SNTG1: variants seen among roughly 807,000 people sequenced by gnomAD.
SNTG1 encodes gamma-1-syntrophin.
A neutral mutation model predicts 74.7 loss-of-function variants in SNTG1; 39 were observed. The observed-to-expected ratio is 0.52, with a 90% CI of 0.40 to 0.68. The LOEUF is 0.68. Ranked by LOEUF, SNTG1 falls within the 30% of genes least tolerant of loss-of-function variation. The pLI, the probability that SNTG1 is intolerant of heterozygous loss-of-function variation, is 0.00. For missense variants in SNTG1, 685 were observed against 609.5 expected (o/e 1.12, Z -1.30); for synonymous variants, 254 against 217.1 (o/e 1.17, Z -1.49).
chr8:50,419,986 A>C (rs2093061688), intron 4 of SNTG1, among the ~76,000 whole-genome samples: 1 of 152,116 alleles, frequency 6.6e-6, no homozygotes, highest in Non-Finnish European at 1.5e-5. Flanking sequence ...TTCTGAAAAA[A>C]AAACAGGGAA....
At chr8:50,303,816 G>A (rs2089758335) in intron 2 of SNTG1, among the ~76,000 whole-genome samples, 1 of 152,088 alleles carries the variant, frequency 6.6e-6, no homozygotes, top group African/African-American at 2.4e-5. Context: ...AGTCATTTCA[G>A]AGTCAAGAAT....
At chr8:50,593,670 T>C (rs1168382535) in intron 13 of SNTG1, among the ~76,000 whole-genome samples, 1 of 152,010 alleles carries the variant, frequency 6.6e-6, no homozygotes, top group African/African-American at 2.4e-5. Flanking sequence ...TCTATGCATC[T>C]GGAACACATT....
chr8:50,021,473 G>A (rs961776217), intron 1 of SNTG1, among the ~76,000 whole-genome samples: 1 of 152,098 alleles, frequency 6.6e-6, no homozygotes, highest in Non-Finnish European at 1.5e-5. Flanking sequence ...TTAATTTGAT[G>A]AATTCATTTC....
At chr8:50,235,645 G>T (rs1226294723) in intron 2 of SNTG1, among the ~76,000 whole-genome samples, 2 of 152,090 alleles carry the variant, frequency 1.3e-5, no homozygotes, top group Non-Finnish European at 2.9e-5. Context: ...TGGTTTATGG[G>T]GAATGTGTTG....
chr8:49,977,207 A>T (rs911881898), intron 1 of SNTG1, among the ~76,000 whole-genome samples: 2 of 152,184 alleles, frequency 1.3e-5, no homozygotes, highest in African/African-American at 4.8e-5. Flanking sequence ...CTCAATAGAT[A>T]AAAATGGGCA....
intron 13 of SNTG1, among the ~76,000 whole-genome samples, chr8:50,618,909 G>GTGTGTA (rs1437711578): frequency 4.0e-5 from 6 of 151,668 alleles, no homozygotes; most frequent in Non-Finnish European, 7.4e-5. Flanking sequence ...GTGTGTGTGT[G>GTGTGTA]TATATATATA....
At chr8:50,084,230 G>A (rs558300273) in intron 1 of SNTG1, among the ~76,000 whole-genome samples, 65 of 152,254 alleles carry the variant, frequency 4.3e-4, no homozygotes, top group African/African-American at 1.4e-3. Flanking sequence ...GGGAAGCCGA[G>A]GCAGGAAGAT....
chr8:50,288,749 A>T (rs931050951), intron 2 of SNTG1, among the ~76,000 whole-genome samples: 1 of 152,160 alleles, frequency 6.6e-6, no homozygotes, highest in African/African-American at 2.4e-5. Flanking sequence ...TGATTAAAGG[A>T]TGTTGACATG....
At chr8:50,318,878 T>C (rs545903234) in intron 2 of SNTG1, among the ~76,000 whole-genome samples, 20 of 152,246 alleles carry the variant, frequency 1.3e-4, no homozygotes, top group African/African-American at 4.6e-4. Flanking sequence ...TGGTATTACA[T>C]ATATTTTCTA....
intron 9 of SNTG1, among the ~76,000 whole-genome samples, chr8:50,510,762 TC>T (rs1356715612): frequency 1.3e-5 from 2 of 152,154 alleles, no homozygotes; most frequent in African/African-American, 4.8e-5. Context: ...GGTGGTGATA[TC>T]CCCTTTATCA....
At chr8:50,049,855 A>G (rs1345144934) in intron 1 of SNTG1, among the ~76,000 whole-genome samples, 3 of 152,118 alleles carry the variant, frequency 2.0e-5, no homozygotes, top group East Asian at 3.8e-4. Context: ...TCAATAACAC[A>G]TGGATCAAAG....
chr8:50,325,760 T>C (rs984850055), intron 2 of SNTG1, among the ~76,000 whole-genome samples: 9 of 152,100 alleles, frequency 5.9e-5, no homozygotes, highest in Non-Finnish European at 1.3e-4. Context: ...TAGCTAGGAC[T>C]TCCTGTATGA....
At chr8:50,146,734 T>C (rs1389770876) in intron 1 of SNTG1, among the ~76,000 whole-genome samples, 1 of 152,224 alleles carries the variant, frequency 6.6e-6, no homozygotes, top group Non-Finnish European at 1.5e-5. Flanking sequence ...TGTTTAATTT[T>C]AGATATTCTA....
chr8:50,628,455 AATG>A (rs1367331509), intron 13 of SNTG1, among the ~76,000 whole-genome samples: 4 of 152,150 alleles, frequency 2.6e-5, no homozygotes, highest in Non-Finnish European at 5.9e-5. Context: ...TAGGGTCACT[AATG>A]ATGTACATGG....
intron 5 of SNTG1, among the ~76,000 whole-genome samples, chr8:50,441,087 C>T (rs1413418325): frequency 6.6e-6 from 1 of 152,114 alleles, no homozygotes; most frequent in Non-Finnish European, 1.5e-5. Context: ...TCACATCTCC[C>T]CACAAACTGG....
chr8:49,973,553 G>A (rs1811917468), intron 1 of SNTG1, among the ~76,000 whole-genome samples: 1 of 151,748 alleles, frequency 6.6e-6, no homozygotes, highest in Admixed American at 6.6e-5. Context: ...CTGAGGTCCA[G>A]ATGAGATGAA....
At chr8:50,286,178 T>C (rs1293324889) in intron 2 of SNTG1, among the ~76,000 whole-genome samples, 1 of 152,190 alleles carries the variant, frequency 6.6e-6, no homozygotes, top group Non-Finnish European at 1.5e-5. Context: ...AGGGCAGTAG[T>C]GTTCAGAGAA....
At chr8:50,281,945 T>A (rs567003733) in intron 2 of SNTG1, among the ~76,000 whole-genome samples, 1 of 152,166 alleles carries the variant, frequency 6.6e-6, no homozygotes, top group Non-Finnish European at 1.5e-5. Context: ...TTGGACTTCA[T>A]CTACAATACT....
At chr8:50,094,919 A>G (rs2079871224) in intron 1 of SNTG1, among the ~76,000 whole-genome samples, 1 of 152,186 alleles carries the variant, frequency 6.6e-6, no homozygotes, top group Non-Finnish European at 1.5e-5. Context: ...TCTGCCCATC[A>G]ATGGTAAACT....
Sources: gnomAD v4.1 joint callset for allele counts (sites outside exome capture counted in the v4.1 genomes callset) on GRCh38, gnomAD v4.1.1 for gene constraint, MANE v1.5 for transcripts, NCBI Gene and HGNC (gene_info 2026-07-23, HGNC 2026-07-21) for gene names.